TPD52: variants seen among roughly 807,000 people sequenced by gnomAD.
TPD52 encodes the protein tumor protein D52, also known as prostate and colon associated protein.
In TPD52, 17 loss-of-function variants were observed where a neutral mutation model predicts 31.3. That is an observed-to-expected ratio of 0.54 (90% confidence interval 0.37 to 0.82). The LOEUF is 0.82. Ranked by LOEUF, TPD52 falls within the 40% of genes least tolerant of loss-of-function variation. The pLI, the probability that TPD52 is intolerant of heterozygous loss-of-function variation, is 0.00. For missense variants in TPD52, 212 were observed against 240.1 expected, an observed-to-expected ratio of 0.88 and a Z score of 0.77; for synonymous variants, 83 against 89.6, an observed-to-expected ratio of 0.93 and a Z score of 0.42.
intron 2 of TPD52, among the ~76,000 whole-genome samples, chr8:80,056,945 G>C (rs892083366): frequency 6.6e-6 from 1 of 152,192 alleles, no homozygotes; most frequent in African/African-American, 2.4e-5. Context: ...AAGGTGGACA[G>C]ATCACTTGAG....
At chr8:80,050,172 T>C in intron 5 of TPD52, among the ~76,000 whole-genome samples, 1 of 152,164 alleles carries the variant, frequency 6.6e-6, no homozygotes, top group Admixed American at 6.6e-5. Flanking sequence ...GCTGCTTCTT[T>C]TTACCAAAGA....
intron 1 of TPD52, among the ~76,000 whole-genome samples, chr8:80,131,978 C>T (rs911792146): frequency 6.6e-6 from 1 of 151,948 alleles, no homozygotes; most frequent in African/African-American, 2.4e-5. Flanking sequence ...CTCACTGAAC[C>T]TGAAGTTCCT....
Position 80,039,864 on chromosome 8 carries a change from T to C in TPD52, c.505-1629A>G, listed in dbSNP as rs189197404. Among the ~76,000 whole-genome samples, 28 of 152,254 alleles carry C rather than the reference T, an allele frequency of 1.8e-4. No individual in the cohort carries two copies. The East Asian group carries it at 5.4e-3, about 29-fold the overall frequency. On this transcript the variant is annotated intron_variant, in intron 7 of 7. Transcript: ENST00000518937. ...TCCCTTCCACCAAGCCAGGTGAACT[T>C]TCTGCCACTTGTCCTCATCACACCC...
intron 1 of TPD52, among the ~76,000 whole-genome samples, chr8:80,111,956 T>C (rs912232139): frequency 6.6e-6 from 1 of 152,244 alleles, no homozygotes; most frequent in African/African-American, 2.4e-5. Context: ...GTGGCATTTG[T>C]TGCTAAATAA....
rs941903081 is a variant in TPD52 at position 80,160,181 on chromosome 8, A to T, written c.19+11244T>A. 2.3e-4 allele frequency among the ~76,000 whole-genome samples: 27 copies of T among 115,112 alleles called. 1 individual carries two copies. The highest frequency in any genetic ancestry group is 1.1e-3 in the African/African-American group (26 of 23,826). 75.5% of individuals were successfully genotyped at this position (115,112 alleles called of 152,430 possible). A position where few individuals can be genotyped will look rare whatever the true frequency, so the allele number is the denominator to read the frequency against. On this transcript the variant is annotated intron_variant, in intron 1 of 7. Coordinates refer to ENST00000518937, the MANE Select transcript of TPD52 (RefSeq NM_001025253.3). The stretch of plus-strand genomic sequence containing the variant: ...ACTCCAGCCTGGGTGACAGAGCAAG[A>T]CCCCATCTCAAAAAAAAAAAGTAGT...
At chr8:80,053,574 T>C in intron 2 of TPD52, 144 bp from the exon 3 acceptor site, 2 of 912,128 alleles carry the variant, frequency 2.2e-6, no homozygotes, top group Non-Finnish European at 1.6e-6. Context: ...ATGTATAATG[T>C]TGTTGAGTAA....
intron 2 of TPD52, among the ~76,000 whole-genome samples, chr8:80,060,351 C>T (rs1812382436): frequency 6.6e-6 from 1 of 150,698 alleles, no homozygotes; most frequent in African/African-American, 2.4e-5. Context: ...GAAATCTGAA[C>T]AAGTAAAGAG....
At chr8:80,138,686 A>G (rs1300321415) in intron 1 of TPD52, among the ~76,000 whole-genome samples, 1 of 152,172 alleles carries the variant, frequency 6.6e-6, no homozygotes, top group East Asian at 1.9e-4. Flanking sequence ...CCTGGGTTCT[A>G]CCATCTTGCC....
chr8:80,094,048 CTTTTCTCAGAG>C (rs1816500316), intron 1 of TPD52, among the ~76,000 whole-genome samples: 1 of 152,054 alleles, frequency 6.6e-6, no homozygotes, highest in Non-Finnish European at 1.5e-5. Flanking sequence ...TCCTTGTTGA[CTTTTCTCAGAG>C]TTTTATAAAA....
At chr8:80,161,187 A>T (rs1811338591) in intron 1 of TPD52, among the ~76,000 whole-genome samples, 1 of 152,240 alleles carries the variant, frequency 6.6e-6, no homozygotes. Flanking sequence ...TAAAAATTTA[A>T]CCAACACCGT....
intron 1 of TPD52, among the ~76,000 whole-genome samples, chr8:80,102,612 G>T (rs1806824455): frequency 1.3e-5 from 2 of 152,160 alleles, no homozygotes; most frequent in Non-Finnish European, 2.9e-5. Flanking sequence ...TTGTGATATT[G>T]CAAAATATAT....
chr8:80,084,376 A>T lies in TPD52; in HGVS notation c.20-19783T>A, dbSNP rs187577113. On this transcript the variant is annotated intron_variant, in intron 1 of 7. Transcript: ENST00000518937. Reference sequence around the variant, plus strand: ...ACATCTGACCCAGACACTGTCAATCAATCAGTGGCCTTCCTTGATGTTTAC... The same window carrying T: ...ACATCTGACCCAGACACTGTCAATCTATCAGTGGCCTTCCTTGATGTTTAC... Among the ~76,000 whole-genome samples the T allele has an allele frequency of 7.2e-5, 11 of 152,342 alleles. No homozygotes were observed. The East Asian group carries it at 2.1e-3, about 29-fold the overall frequency.
At chr8:80,050,370 A>T (rs1811241333) in intron 5 of TPD52, 75 bp downstream of exon 5, 1 of 1,428,942 alleles carries the variant, frequency 7.0e-7, no homozygotes, top group Admixed American at 2.2e-5. Flanking sequence ...CATCCAACGT[A>T]GCATGGTAAT....
At chr8:80,091,190 G>T (rs1214637059) in intron 1 of TPD52, among the ~76,000 whole-genome samples, 1 of 152,196 alleles carries the variant, frequency 6.6e-6, no homozygotes, top group Admixed American at 6.5e-5. Context: ...CACAAAAGAG[G>T]CTGGGCGCAG....
At chr8:80,165,958 A>G (rs80231938) in intron 1 of TPD52, among the ~76,000 whole-genome samples, 3,353 of 152,264 alleles carry the variant, frequency 0.022, 105 homozygotes, top group African/African-American at 0.076. Context: ...CAAGTTAAAT[A>G]TTGTCTATAA....
intron 1 of TPD52, among the ~76,000 whole-genome samples, chr8:80,090,501 T>A (rs1311315953): frequency 1.3e-5 from 2 of 152,214 alleles, no homozygotes; most frequent in Non-Finnish European, 2.9e-5. Flanking sequence ...ATGCTGTCCC[T>A]CACCCAGGGG....
intron 1 of TPD52, among the ~76,000 whole-genome samples, chr8:80,106,346 T>C (rs1473554958): frequency 6.6e-6 from 1 of 152,096 alleles, no homozygotes; most frequent in Non-Finnish European, 1.5e-5. Flanking sequence ...GGTTTATTGT[T>C]GTTGTTGTTG....
At chr8:80,065,275 CTATATCTA>C (rs1479039058) in intron 1 of TPD52, among the ~76,000 whole-genome samples, 3 of 121,112 alleles carry the variant, frequency 2.5e-5, no homozygotes, top group African/African-American at 8.7e-5. Context: ...CTATATATAT[CTATATCTA>C]TATATCTATA....
chr8:80,125,013 C>A (rs1225679798), intron 1 of TPD52, among the ~76,000 whole-genome samples: 2 of 152,184 alleles, frequency 1.3e-5, no homozygotes, highest in Non-Finnish European at 2.9e-5. Context: ...CAGTCAGCAT[C>A]AGTTTCTTTT....
Sources: allele counts gnomAD v4.1 joint callset (sites outside exome capture counted in the v4.1 genomes callset), GRCh38; gene constraint gnomAD v4.1.1; transcripts MANE v1.5; gene names NCBI Gene and HGNC (gene_info 2026-07-23, HGNC 2026-07-21).